Variants in KDM7A observed in about 807,000 individuals in gnomAD.
The protein encoded by KDM7A is lysine-specific demethylase 7A.
Under a neutral mutation model 114.8 loss-of-function variants are expected in KDM7A, and 28 were observed. The ratio of observed to expected loss-of-function variants is 0.24; its 90% CI spans 0.18 to 0.33. The LOEUF (loss-of-function observed/expected upper bound fraction) is 0.33. KDM7A is among the 10% of genes least tolerant of loss of function. The pLI is 1.00. For synonymous variants in KDM7A, 423 were observed against 397.8 expected, an observed-to-expected ratio of 1.06 and a Z score of -0.75; for missense variants, 942 against 1,142.5, an observed-to-expected ratio of 0.82 and a Z score of 2.53.
At chr7:140,125,595 C>A (rs1229131800) in intron 6 of KDM7A, among the ~76,000 whole-genome samples, 1 of 152,202 alleles carries the variant, frequency 6.6e-6, no homozygotes, top group Non-Finnish European at 1.5e-5. Flanking sequence ...GAGATAGGGT[C>A]TCGCTCTGTT....
At chr7:140,168,774 T>C (rs1425701234) in intron 1 of KDM7A, among the ~76,000 whole-genome samples, 2 of 152,166 alleles carry the variant, frequency 1.3e-5, no homozygotes, top group South Asian at 2.1e-4. Context: ...AGCTAGCAAA[T>C]TTGTTTCTCA....
Position 140,091,082 on chromosome 7 carries a change from A to G in KDM7A, c.*12T>C. 1 of 1,598,644 alleles carries G rather than the reference A, an allele frequency of 6.3e-7. No homozygotes were observed. Among genetic ancestry groups the G allele is most frequent in the Non-Finnish European group, 8.6e-7 (1 of 1,165,774 alleles). ...GTCTCCAAAGGGAAGAATGGCTGCA[A>G]CAGCAGCTCTGTCACACAAAGAAAC... On this transcript the variant is annotated 3_prime_UTR_variant, in exon 20 of 20. Coordinates refer to ENST00000397560, the MANE Select transcript of KDM7A (RefSeq NM_030647.2).
chr7:140,174,859 C>T (rs1794684459), intron 1 of KDM7A, among the ~76,000 whole-genome samples: 2 of 152,194 alleles, frequency 1.3e-5, no homozygotes, highest in South Asian at 2.1e-4. Flanking sequence ...TCGTGATCCA[C>T]CCGCCTCAGC....
At chr7:140,107,844 C>T (rs1345717635) in intron 11 of KDM7A, among the ~76,000 whole-genome samples, 1 of 152,192 alleles carries the variant, frequency 6.6e-6, no homozygotes, top group Non-Finnish European at 1.5e-5. Flanking sequence ...GGAAGTTCTC[C>T]TGGATAATAT....
intron 1 of KDM7A, among the ~76,000 whole-genome samples, chr7:140,155,279 A>G (rs1319694774): frequency 6.6e-6 from 1 of 152,218 alleles, no homozygotes; most frequent in Non-Finnish European, 1.5e-5. Context: ...GAAGCAAGAT[A>G]TAACATATCT....
chr7:140,160,598 T>C (rs1229018918), intron 1 of KDM7A, among the ~76,000 whole-genome samples: 3 of 152,218 alleles, frequency 2.0e-5, no homozygotes, highest in Non-Finnish European at 4.4e-5. Context: ...CAAGTAGCAG[T>C]TCCCCTAGGG....
chr7:140,134,932 A>G (rs1448642565), intron 2 of KDM7A, among the ~76,000 whole-genome samples: 2 of 152,064 alleles, frequency 1.3e-5, no homozygotes, highest in Non-Finnish European at 2.9e-5. Flanking sequence ...ACAATAATTA[A>G]CAGAGGTGGA....
intron 1 of KDM7A, among the ~76,000 whole-genome samples, chr7:140,173,813 A>G (rs898875604): frequency 2.6e-5 from 4 of 152,232 alleles, no homozygotes; most frequent in Non-Finnish European, 5.9e-5. Flanking sequence ...TACAGTAAAC[A>G]TCAGAGTAAA....
Position 140,129,526 on chromosome 7 carries a change from T to A in KDM7A, c.526A>T (p.Thr176Ser), listed in dbSNP as rs1159661793. Residue 176 changes from threonine (T) to serine (S), a missense_variant, in exon 4 of 20, where the codon ACA becomes TCA. Thr to Ser is a moderately conservative substitution (Grantham distance 58, BLOSUM62 1). Transcript: ENST00000397560. ...CGTTCCACATCCATCACAGAAAATG[T>A]AGGTGAAGGGAGCCTGAGTCCTAGA... ...DDLGLRLPSP[T>S]FSVMDVERYV... The A allele has an allele frequency of 6.2e-7, 1 of 1,613,676 alleles. No homozygotes were observed. The highest frequency in any genetic ancestry group is 2.2e-5 in the East Asian group (1 of 44,856).
chr7:140,111,082 T>C lies in KDM7A; in HGVS notation c.1428+13A>G. 3 of 1,434,344 alleles carry C rather than the reference T, an allele frequency of 2.1e-6. No homozygotes were observed. Among genetic ancestry groups the C allele is most frequent in the South Asian group, 2.3e-5 (2 of 85,734 alleles). The allele number at this position is 1,434,344 out of a possible 1,614,324, so 88.9% of individuals were successfully genotyped here. A position where few individuals can be genotyped will look rare whatever the true frequency, so the allele number is the denominator to read the frequency against. On this transcript the variant is annotated intron_variant, in intron 11 of 19. Transcript: ENST00000397560. ...TAATAATCAAGCATTTACATGACAG[T>C]TTCCACTCTTACCTCTATTGCTCGA... is the stretch of plus-strand genomic sequence containing the variant.
At chr7:140,172,177 C>CTA (rs1487188030) in intron 1 of KDM7A, among the ~76,000 whole-genome samples, 5 of 152,154 alleles carry the variant, frequency 3.3e-5, no homozygotes. Context: ...CTACAAGCAT[C>CTA]TATACCCTTT....
chr7:140,142,867 A>ATT (rs1794299064), intron 1 of KDM7A, among the ~76,000 whole-genome samples: 1 of 151,896 alleles, frequency 6.6e-6, no homozygotes, highest in African/African-American at 2.4e-5. Flanking sequence ...GATACAGTAT[A>ATT]TTCTCATAAC....
At chr7:140,173,533 A>C (rs1412435133) in intron 1 of KDM7A, among the ~76,000 whole-genome samples, 1 of 152,168 alleles carries the variant, frequency 6.6e-6, no homozygotes, top group African/African-American at 2.4e-5. Context: ...ATCAAAATGC[A>C]CTGATTCCTC....
At chr7:140,096,457 A>C in intron 17 of KDM7A, 98 bp downstream of exon 17, 1 of 914,094 alleles carries the variant, frequency 1.1e-6, no homozygotes, top group Non-Finnish European at 1.7e-6. Context: ...CCAATTAAAG[A>C]TGCTTATTCA....
At chr7:140,137,178 G>C (rs1818885150) in intron 2 of KDM7A, among the ~76,000 whole-genome samples, 1 of 152,158 alleles carries the variant, frequency 6.6e-6, no homozygotes, top group African/African-American at 2.4e-5. Context: ...CGTCTGACCA[G>C]AAGATAGTCA....
At chr7:140,116,363 T>C (rs913965916) in intron 9 of KDM7A, among the ~76,000 whole-genome samples, 3 of 152,048 alleles carry the variant, frequency 2.0e-5, no homozygotes, top group Non-Finnish European at 4.4e-5. Flanking sequence ...TCACAAACAA[T>C]GCTGAGTAAA....
intron 17 of KDM7A, 135 bp from the exon 18 acceptor site, chr7:140,094,273 G>A: frequency 1.5e-6 from 1 of 666,600 alleles, no homozygotes; most frequent in Non-Finnish European, 2.7e-6. Flanking sequence ...GGGAGGCCAA[G>A]GCAGGTCAAT....
Position 140,091,979 on chromosome 7 carries a change from G to C in KDM7A, c.2556C>G (p.Ser852Arg), listed in dbSNP as rs1818028148. ...TCTGCATATACTTTCCATTCTGAAG[G>C]CTTGAGCCGCTGCTGTCCACATAAT... is the stretch of plus-strand genomic sequence containing the variant. Reference protein sequence around the residue: ...SRNYVDSSGSSLQNGKYMQNS... With the variant: ...SRNYVDSSGSRLQNGKYMQNS... The change falls in exon 19 of 20, where the codon AGC becomes AGG. Residue 852 changes from serine to arginine, a missense_variant. Transcript: ENST00000397560. 2 of 1,613,816 alleles carry C rather than the reference G, an allele frequency of 1.2e-6. No individual in the cohort carries two copies. Among genetic ancestry groups the C allele is most frequent in the African/African-American group, 2.7e-5 (2 of 74,886 alleles).
At chr7:140,145,269 G>C (rs1341290583) in intron 1 of KDM7A, among the ~76,000 whole-genome samples, 1 of 152,092 alleles carries the variant, frequency 6.6e-6, no homozygotes, top group Admixed American at 6.6e-5. Flanking sequence ...ATATTTACAA[G>C]GGAATTAAAG....
Sources: gnomAD v4.1 joint callset for allele counts (sites outside exome capture counted in the v4.1 genomes callset) on GRCh38, gnomAD v4.1.1 for gene constraint, MANE v1.5 for transcripts, NCBI Gene and HGNC (gene_info 2026-07-23, HGNC 2026-07-21) for gene names.